Variants in SORCS2 observed in about 807,000 individuals in gnomAD.
The protein encoded by SORCS2 is VPS10 domain-containing receptor SorCS2.
Under a neutral mutation model 141.6 loss-of-function variants are expected in SORCS2, and 100 were observed. The ratio of observed to expected loss-of-function variants is 0.71; its 90% CI spans 0.60 to 0.83. The LOEUF (loss-of-function observed/expected upper bound fraction) is 0.83. Among genes scored for constraint, SORCS2 ranks in the 40% least tolerant of loss-of-function variants. The pLI, the probability that SORCS2 is intolerant of heterozygous loss-of-function variation, is 0.00. For synonymous variants in SORCS2, 789 were observed against 676.9 expected (o/e 1.17, Z -2.57); for missense variants, 1,646 against 1,560.2 (o/e 1.05, Z -0.93).
At chr4:7,511,403 G>A (rs866436967) in intron 2 of SORCS2, among the ~76,000 whole-genome samples, 4 of 146,018 alleles carry the variant, frequency 2.7e-5, no homozygotes, top group Admixed American at 6.9e-5. Flanking sequence ...TCCCTGCAGA[G>A]AGAGAGGGGG....
intron 14 of SORCS2, among the ~76,000 whole-genome samples, chr4:7,704,771 G>C (rs1041797560): frequency 6.6e-6 from 1 of 152,212 alleles, no homozygotes; most frequent in Non-Finnish European, 1.5e-5. Flanking sequence ...TAGGACAGTG[G>C]GGACATGCGG....
chr4:7,639,507 A>G, intron 4 of SORCS2, among the ~76,000 whole-genome samples: 1 of 133,286 alleles, frequency 7.5e-6, no homozygotes, highest in Non-Finnish European at 1.6e-5. Flanking sequence ...GGTGGGTGTG[A>G]ATGTGTGGGT....
intron 1 of SORCS2, among the ~76,000 whole-genome samples, chr4:7,231,542 C>T (rs1711890821): frequency 1.3e-5 from 2 of 152,174 alleles, no homozygotes; most frequent in Admixed American, 6.5e-5. Context: ...TCCATTCATC[C>T]ATCCATCCAT....
At chr4:7,677,083 C>A (rs1261026507) in intron 9 of SORCS2, among the ~76,000 whole-genome samples, 5 of 152,184 alleles carry the variant, frequency 3.3e-5, no homozygotes, top group African/African-American at 1.2e-4. Flanking sequence ...CGCTCTCTGT[C>A]TCCCTGGAAC....
chr4:7,414,774 A>T (rs960058829), intron 2 of SORCS2, among the ~76,000 whole-genome samples: 1 of 152,232 alleles, frequency 6.6e-6, no homozygotes, highest in Non-Finnish European at 1.5e-5. Flanking sequence ...TATAGGGTCT[A>T]TGCTGGACAC....
chr4:7,635,750 C>T (rs913319130), intron 3 of SORCS2, among the ~76,000 whole-genome samples: 1 of 152,184 alleles, frequency 6.6e-6, no homozygotes, highest in Non-Finnish European at 1.5e-5. Context: ...CCAAGAAGCA[C>T]AGCTCTGAGC....
At chr4:7,289,844 C>G (rs559119036) in intron 1 of SORCS2, among the ~76,000 whole-genome samples, 1 of 152,182 alleles carries the variant, frequency 6.6e-6, no homozygotes, top group Non-Finnish European at 1.5e-5. Flanking sequence ...CCTCCCGAGA[C>G]GCTGCAGGGC....
chr4:7,443,682 G>A (rs1002703761), intron 2 of SORCS2, among the ~76,000 whole-genome samples: 3 of 152,248 alleles, frequency 2.0e-5, no homozygotes, highest in South Asian at 2.1e-4. Flanking sequence ...TCAGGACTTT[G>A]GGGCCTTGAG....
At chr4:7,644,488 T>G (rs1478947370) in intron 4 of SORCS2, among the ~76,000 whole-genome samples, 3 of 152,092 alleles carry the variant, frequency 2.0e-5, no homozygotes, top group Non-Finnish European at 2.9e-5. Context: ...TTGGCACGAG[T>G]GCATCCACCT....
chr4:7,532,677 A>G (rs1711758192), intron 3 of SORCS2, among the ~76,000 whole-genome samples: 1 of 150,456 alleles, frequency 6.6e-6, no homozygotes, highest in African/African-American at 2.5e-5. Context: ...CTGAGACCAC[A>G]GGCCTGGCAG....
chr4:7,592,811 G>T (rs1225433368), intron 3 of SORCS2, among the ~76,000 whole-genome samples: 1 of 152,210 alleles, frequency 6.6e-6, no homozygotes, highest in Admixed American at 6.5e-5. Context: ...ACAACATTGA[G>T]ATTTGTTGAA....
chr4:7,420,192 G>A (rs2109186146), intron 2 of SORCS2, among the ~76,000 whole-genome samples: 1 of 152,342 alleles, frequency 6.6e-6, no homozygotes, highest in South Asian at 2.1e-4. Flanking sequence ...GATTTGGCTT[G>A]TGAACACCCA....
intron 1 of SORCS2, among the ~76,000 whole-genome samples, chr4:7,195,833 A>T (rs1035571089): frequency 6.6e-6 from 1 of 152,252 alleles, no homozygotes; most frequent in Non-Finnish European, 1.5e-5. Context: ...ACAGAAACTC[A>T]CACGGCTGGT....
intron 3 of SORCS2, among the ~76,000 whole-genome samples, chr4:7,626,090 T>G (rs12508575): frequency 0.13 from 19,935 of 151,964 alleles, 1,430 homozygotes; most frequent in Middle Eastern, 0.21. Flanking sequence ...GAGGCTGCAG[T>G]GAGCTGAGAT....
At chr4:7,216,522 G>A (rs1174330094) in intron 1 of SORCS2, among the ~76,000 whole-genome samples, 1 of 152,206 alleles carries the variant, frequency 6.6e-6, no homozygotes, top group African/African-American at 2.4e-5. Flanking sequence ...CAAGGTGTCA[G>A]TGGGACTGGC....
chr4:7,218,948 C>G (rs1239017112), intron 1 of SORCS2, among the ~76,000 whole-genome samples: 1 of 152,178 alleles, frequency 6.6e-6, no homozygotes, highest in African/African-American at 2.4e-5. Flanking sequence ...ACACAGTGCT[C>G]CCGTGCACTC....
At chr4:7,714,712 A>G (rs1726074300) in intron 16 of SORCS2, among the ~76,000 whole-genome samples, 1 of 152,126 alleles carries the variant, frequency 6.6e-6, no homozygotes, top group East Asian at 1.9e-4. Context: ...ACTCTGCTGA[A>G]AGCCACCCGA....
At chr4:7,432,455 A>G (rs1031132546) in intron 2 of SORCS2, 3 of 152,138 alleles carry the variant, frequency 2.0e-5, no homozygotes, top group Admixed American at 6.5e-5. Flanking sequence ...TCTACAGATT[A>G]GAAAACTGAG....
At chr4:7,680,068 C>G (rs2108962238) in intron 9 of SORCS2, among the ~76,000 whole-genome samples, 1 of 152,354 alleles carries the variant, frequency 6.6e-6, no homozygotes, top group Non-Finnish European at 1.5e-5. Context: ...GTCCCTGGGT[C>G]CCCATCCTGC....
Sources: allele counts gnomAD v4.1 joint callset (sites outside exome capture counted in the v4.1 genomes callset), GRCh38; gene constraint gnomAD v4.1.1; transcripts MANE v1.5; gene names NCBI Gene and HGNC (gene_info 2026-07-23, HGNC 2026-07-21).